The following EFCAB13 variants were observed in gnomAD, a reference collection of about 807,000 sequenced individuals.
EFCAB13 encodes the protein EF-hand calcium binding domain 13, also known as EF-hand calcium-binding domain-containing protein 13.
In EFCAB13, 91 loss-of-function variants were observed where a neutral mutation model predicts 110.2. The observed-to-expected ratio is 0.83, with a 90% CI of 0.70 to 0.98. EFCAB13 has a LOEUF of 0.98. Ranked by LOEUF, EFCAB13 falls within the 50% of genes least tolerant of loss-of-function variation. The probability of loss-of-function intolerance (pLI) is 0.00; values close to 1 mark genes in which losing one functional copy is unlikely to be tolerated. For missense variants in EFCAB13, 968 were observed against 1,119.4 expected, an observed-to-expected ratio of 0.86 and a Z score of 1.93; for synonymous variants, 323 against 369.9, an observed-to-expected ratio of 0.87 and a Z score of 1.45.
intron 2 of EFCAB13, among the ~76,000 whole-genome samples, chr17:47,325,870 C>G (rs1459526652): frequency 7.0e-6 from 1 of 142,014 alleles, no homozygotes; most frequent in Non-Finnish European, 1.5e-5. Flanking sequence ...TTATTTCACT[C>G]CCTGACTAGA....
At chr17:47,334,857 G>A (rs2065339957) in intron 4 of EFCAB13, among the ~76,000 whole-genome samples, 1 of 152,168 alleles carries the variant, frequency 6.6e-6, no homozygotes, top group East Asian at 1.9e-4. Flanking sequence ...CAAGGCTGCA[G>A]TGAGCCATGA....
At chr17:47,411,037 A>G (rs79036437) in intron 21 of EFCAB13, among the ~76,000 whole-genome samples, 3,444 of 152,088 alleles carry the variant, frequency 0.023, 113 homozygotes, top group East Asian at 0.18. Flanking sequence ...TTTGCTTTCC[A>G]TTGTATCTCC....
chr17:47,370,541 GTTTA>G, intron 11 of EFCAB13, 33 bp downstream of exon 11: 1 of 1,445,080 alleles, frequency 6.9e-7, no homozygotes, highest in Non-Finnish European at 9.6e-7. Flanking sequence ...GACAAGTTTT[GTTTA>G]TAATTAAAGT....
chr17:47,328,254 C>T lies in EFCAB13; in HGVS notation c.-85-15C>T. 1 of 1,029,754 alleles carries T rather than the reference C, an allele frequency of 9.7e-7. No homozygotes were observed. Among genetic ancestry groups the T allele is most frequent in the Non-Finnish European group, 1.5e-6 (1 of 661,458 alleles). The allele number at this position is 1,029,754 out of a possible 1,614,324, so 63.8% of individuals were successfully genotyped here. A position where few individuals can be genotyped will look rare whatever the true frequency, so the allele number is the denominator to read the frequency against. On this transcript the variant is annotated splice_polypyrimidine_tract_variant and intron_variant, in intron 3 of 24. Coordinates refer to ENST00000331493, the MANE Select transcript of EFCAB13 (RefSeq NM_152347.5). ...TAAACAAGCGTATGATTTCTTCTTT[C>T]TCTTTTTTTGGCAGGAAATCCTTTT...
rs775757924 is a variant in EFCAB13, at chr17:47,440,764, G to C, written c.*50G>C. ...AAATTACTAGATTATATATTATTCAGTATGCATATTTGACTTCTGAAATTA... is the reference window on the plus strand; with the variant it reads ...AAATTACTAGATTATATATTATTCACTATGCATATTTGACTTCTGAAATTA... On this transcript the variant is annotated 3_prime_UTR_variant, in exon 25 of 25. Coordinates refer to ENST00000331493, the MANE Select transcript of EFCAB13 (RefSeq NM_152347.5). 3.9e-5 allele frequency: 53 copies of C among 1,362,282 alleles called. No homozygotes were observed. Among genetic ancestry groups the C allele is most frequent in the Non-Finnish European group, 4.9e-5 (50 of 1,022,608 alleles). 84.4% of individuals were successfully genotyped at this position (1,362,282 alleles called of 1,614,324 possible).
Position 47,389,248 on chromosome 17 carries a change from G to A in EFCAB13, c.1583-2189G>A, listed in dbSNP as rs555106374. On this transcript the variant is annotated intron_variant, in intron 14 of 24. Coordinates refer to ENST00000331493, the MANE Select transcript of EFCAB13 (RefSeq NM_152347.5). Reference sequence around the variant, plus strand: ...AGATGTGGTCTCCCTGTGTTGCTCAGGCTGGTCTTGAACTCCTGGTATCAA... The same window carrying A: ...AGATGTGGTCTCCCTGTGTTGCTCAAGCTGGTCTTGAACTCCTGGTATCAA... Among the ~76,000 whole-genome samples, 41 of 152,244 alleles carry A rather than the reference G, an allele frequency of 2.7e-4. 1 individual carries two copies. The South Asian group carries it at 8.5e-3, about 32-fold the overall frequency.
At chr17:47,397,924 G>A (rs2065752067) in intron 17 of EFCAB13, among the ~76,000 whole-genome samples, 1 of 151,060 alleles carries the variant, frequency 6.6e-6, no homozygotes, top group Non-Finnish European at 1.5e-5. Flanking sequence ...GGAGGTGGGG[G>A]TCAGCCCCCG....
At chr17:47,369,002 T>C (rs1334578130) in intron 10 of EFCAB13, among the ~76,000 whole-genome samples, 5 of 152,154 alleles carry the variant, frequency 3.3e-5, no homozygotes, top group Admixed American at 2.6e-4. Context: ...TCTCCTCTTA[T>C]CTCTAATGCT....
intron 22 of EFCAB13, among the ~76,000 whole-genome samples, chr17:47,414,254 C>T (rs951048347): frequency 2.6e-5 from 4 of 151,788 alleles, no homozygotes; most frequent in African/African-American, 4.9e-5. Context: ...TGTGTGTGCA[C>T]GTGCGTGTGT....
chr17:47,348,535 ATAT>A (rs1382998437), intron 9 of EFCAB13, among the ~76,000 whole-genome samples: 1 of 151,994 alleles, frequency 6.6e-6, no homozygotes. Context: ...TTTTCCCTTA[ATAT>A]TATATGACTA....
intron 14 of EFCAB13, among the ~76,000 whole-genome samples, chr17:47,387,688 G>A (rs879506553): frequency 2.0e-5 from 3 of 152,250 alleles, no homozygotes; most frequent in Admixed American, 2.0e-4. Context: ...TCCATCTGAG[G>A]AGGTCATGGT....
At chr17:47,330,802 C>T (rs577020066) in intron 4 of EFCAB13, among the ~76,000 whole-genome samples, 2 of 151,662 alleles carry the variant, frequency 1.3e-5, no homozygotes, top group East Asian at 3.9e-4. Flanking sequence ...TTTTTTTTCC[C>T]TTTGGGTAGA....
chr17:47,414,409 C>T (rs1904359566), intron 22 of EFCAB13, among the ~76,000 whole-genome samples: 1 of 151,398 alleles, frequency 6.6e-6, no homozygotes, highest in Non-Finnish European at 1.5e-5. Flanking sequence ...CATTTGCTTT[C>T]ATCTTTCAAA....
intron 14 of EFCAB13, among the ~76,000 whole-genome samples, chr17:47,388,498 T>C (rs1336325808): frequency 6.6e-6 from 1 of 152,194 alleles, no homozygotes; most frequent in African/African-American, 2.4e-5. Flanking sequence ...TAGGGGAGAA[T>C]GAAGCCAGAT....
intron 17 of EFCAB13, 106 bp from the exon 18 acceptor site, chr17:47,402,026 A>G (rs2065781644): frequency 2.5e-6 from 2 of 798,456 alleles, no homozygotes; most frequent in Non-Finnish European, 4.3e-6. Flanking sequence ...AAAAGGAAAT[A>G]TGATTCTTAG....
At chr17:47,368,533 A>G (rs2065562384) in intron 10 of EFCAB13, among the ~76,000 whole-genome samples, 1 of 152,218 alleles carries the variant, frequency 6.6e-6, no homozygotes. Flanking sequence ...TCAGAAATGA[A>G]GCTCAGATGG....
chr17:47,402,051 G>T (rs1165895918), intron 17 of EFCAB13, 81 bp from the exon 18 acceptor site: 2 of 1,067,858 alleles, frequency 1.9e-6, no homozygotes, highest in South Asian at 1.3e-5. Flanking sequence ...GCATCAAATG[G>T]TTTACATTTT....
chr17:47,436,766 T>C (rs1905223646), intron 24 of EFCAB13, among the ~76,000 whole-genome samples: 1 of 151,934 alleles, frequency 6.6e-6, no homozygotes, highest in East Asian at 1.9e-4. Flanking sequence ...TTCAATTTCA[T>C]TTAGTTCTGG....
chr17:47,340,491 C>A (rs958338779), intron 5 of EFCAB13, among the ~76,000 whole-genome samples: 2 of 152,062 alleles, frequency 1.3e-5, no homozygotes, highest in African/African-American at 4.8e-5. Context: ...GGCAACTTAG[C>A]AAGATTCCAT....
Sources: allele counts gnomAD v4.1 joint callset (sites outside exome capture counted in the v4.1 genomes callset), GRCh38; gene constraint gnomAD v4.1.1; transcripts MANE v1.5; gene names NCBI Gene and HGNC (gene_info 2026-07-23, HGNC 2026-07-21).